Variants in TTLL7 observed in about 807,000 individuals in gnomAD.
TTLL7 encodes tubulin tyrosine ligase like 7.
Under a neutral mutation model 120.2 loss-of-function variants are expected in TTLL7, and 53 were observed. The ratio of observed to expected loss-of-function variants is 0.44; its 90% confidence interval spans 0.35 to 0.55. TTLL7 has a LOEUF of 0.55. Among genes scored for constraint, TTLL7 ranks in the 20% least tolerant of loss-of-function variants. The pLI is 0.00. For missense variants in TTLL7, 803 were observed against 1,054.7 expected (o/e 0.76, Z 3.31); for synonymous variants, 353 against 351.7 (o/e 1.00, Z -0.04).
chr1:83,906,965 T>G (rs1042081606), intron 16 of TTLL7, among the ~76,000 whole-genome samples: 1 of 152,078 alleles, frequency 6.6e-6, no homozygotes, highest in Non-Finnish European at 1.5e-5. Context: ...TTTCTAAATA[T>G]CAAATCTCTG....
At chr1:83,879,460 T>G (rs1654248687) in intron 20 of TTLL7, among the ~76,000 whole-genome samples, 1 of 151,994 alleles carries the variant, frequency 6.6e-6, no homozygotes, top group South Asian at 2.1e-4. Context: ...GCAGTGAGGA[T>G]GCATCTTTTC....
chr1:83,932,283 C>T (rs566599787), intron 9 of TTLL7, among the ~76,000 whole-genome samples: 1 of 152,100 alleles, frequency 6.6e-6, no homozygotes, highest in East Asian at 1.9e-4. Context: ...GTAACAGGGG[C>T]AGAAGACAAT....
At chr1:83,947,818 C>G (rs936990976) in intron 5 of TTLL7, among the ~76,000 whole-genome samples, 1 of 152,034 alleles carries the variant, frequency 6.6e-6, no homozygotes, top group Non-Finnish European at 1.5e-5. Flanking sequence ...ACCTTTTATA[C>G]TACCATTTTT....
intron 1 of TTLL7, among the ~76,000 whole-genome samples, chr1:83,957,712 G>A (rs1649649663): frequency 6.6e-6 from 1 of 152,066 alleles, no homozygotes; most frequent in Non-Finnish European, 1.5e-5. Flanking sequence ...TCAAAATTCA[G>A]CCTTTAAATA....
chr1:83,873,768 G>T (rs1653660923), intron 20 of TTLL7, among the ~76,000 whole-genome samples: 1 of 152,018 alleles, frequency 6.6e-6, no homozygotes, highest in South Asian at 2.1e-4. Context: ...AGGATCTCTG[G>T]AACATGACGC....
chr1:83,895,740 G>A (rs1412894484), intron 18 of TTLL7, among the ~76,000 whole-genome samples: 1 of 152,002 alleles, frequency 6.6e-6, no homozygotes, highest in Non-Finnish European at 1.5e-5. Context: ...CCAGACCTAC[G>A]CTCTTAACTA....
intron 1 of TTLL7, among the ~76,000 whole-genome samples, chr1:83,956,620 A>C (rs1392619012): frequency 1.3e-5 from 2 of 151,782 alleles, no homozygotes; most frequent in African/African-American, 4.8e-5. Context: ...AGTAGAGACG[A>C]GGTTTCTCCA....
chr1:83,882,455 T>G (rs1005325317), intron 20 of TTLL7, among the ~76,000 whole-genome samples: 1 of 151,966 alleles, frequency 6.6e-6, no homozygotes, highest in Non-Finnish European at 1.5e-5. Context: ...CTTTTCATGC[T>G]TTTTGGAAAA....
intron 1 of TTLL7, among the ~76,000 whole-genome samples, chr1:83,990,560 A>C (rs1652906921): frequency 2.0e-5 from 3 of 152,244 alleles, no homozygotes; most frequent in African/African-American, 4.8e-5. Context: ...AATGCCTTGA[A>C]TAGAAAGAGG....
At chr1:83,922,732 A>C (rs1169457779) in intron 10 of TTLL7, among the ~76,000 whole-genome samples, 6 of 140,256 alleles carry the variant, frequency 4.3e-5, no homozygotes, top group Non-Finnish European at 6.3e-5. Context: ...TACACAATGA[A>C]GGAGAACATA....
chr1:83,957,109 A>G (rs534277548), intron 1 of TTLL7, among the ~76,000 whole-genome samples: 43 of 152,348 alleles, frequency 2.8e-4, no homozygotes, highest in African/African-American at 1.0e-3. Flanking sequence ...TCCACTTAGC[A>G]GATATAAATT....
chr1:83,989,676 TTTTTG>T (rs199814436), intron 1 of TTLL7, among the ~76,000 whole-genome samples: 4 of 152,188 alleles, frequency 2.6e-5, no homozygotes, highest in African/African-American at 9.7e-5. Context: ...TTTCAAATAG[TTTTTG>T]TTTTGTTTTG....
At chr1:83,953,304 T>G (rs778178952) in intron 1 of TTLL7, among the ~76,000 whole-genome samples, 1 of 152,182 alleles carries the variant, frequency 6.6e-6, no homozygotes, top group Non-Finnish European at 1.5e-5. Flanking sequence ...GTAAGAATCC[T>G]TCAGTTCTTG....
At chr1:83,908,923 A>C (rs538001450) in intron 15 of TTLL7, among the ~76,000 whole-genome samples, 68 of 152,172 alleles carry the variant, frequency 4.5e-4, no homozygotes, top group South Asian at 1.0e-3. Flanking sequence ...AAGCTATAAA[A>C]GATTAAAAAA....
Position 83,866,292 on chromosome 1 carries a change from T to C in TTLL7, c.*3670A>G, listed in dbSNP as rs1009758074. 2 of 151,858 alleles carry C rather than the reference T, an allele frequency of 1.3e-5. No homozygotes were observed. Among genetic ancestry groups the C allele is most frequent in the Admixed American group, 1.3e-4 (2 of 15,248 alleles). The allele number at this position is 151,858 out of a possible 1,614,324, so 9.4% of individuals were successfully genotyped here. On this transcript the variant is annotated 3_prime_UTR_variant, in exon 21 of 21. Transcript: ENST00000260505. Reference sequence around the variant, plus strand: ...TTTTGAAAAAGTCAAGTAATGTATATGCTTAAATCTAAAGAAATTTTTTAA... The same window carrying C: ...TTTTGAAAAAGTCAAGTAATGTATACGCTTAAATCTAAAGAAATTTTTTAA...
chr1:83,925,540 A>G (rs555337929), intron 10 of TTLL7, among the ~76,000 whole-genome samples: 2 of 152,216 alleles, frequency 1.3e-5, no homozygotes, highest in Non-Finnish European at 2.9e-5. Flanking sequence ...GAGAAAGATA[A>G]GAAGTTTTCA....
chr1:83,963,784 T>A (rs950144049), intron 1 of TTLL7, among the ~76,000 whole-genome samples: 1 of 152,140 alleles, frequency 6.6e-6, no homozygotes, highest in African/African-American at 2.4e-5. Context: ...AGAGGTTTTT[T>A]AATTTAAAAT....
chr1:83,974,885 AG>A (rs1651319947), intron 1 of TTLL7, among the ~76,000 whole-genome samples: 1 of 152,002 alleles, frequency 6.6e-6, no homozygotes. Flanking sequence ...TCTATTCTGG[AG>A]GCCAATTCCA....
At position 83,883,099 on chromosome 1, in the gene TTLL7, C is replaced by T. The variant is rs376090236; in HGVS notation, c.2407G>A (p.Val803Met). Residue 803 changes from valine (V) to methionine (M), a missense_variant, in exon 20 of 21, where the codon GTG (valine) becomes ATG (methionine). Around this residue, in one of 3 missense-constraint regions of TTLL7, gnomAD observed 388 missense variants for 450.4 expected, o/e 0.86. Coordinates refer to ENST00000260505, the MANE Select transcript of TTLL7 (RefSeq NM_024686.6). ...CACTGGAGCTGCAAAGGAGTCACCA[C>T]CTCCGGGCTTTTATTGAATATACTC... ...WESIFNKSPE[V>M]VTPLQLQCCQ... 6 of 1,610,278 alleles carry T rather than the reference C, an allele frequency of 3.7e-6. No individual in the cohort carries two copies. Among genetic ancestry groups the T allele is most frequent in the African/African-American group, 1.3e-5 (1 of 74,654 alleles).
Sources: allele counts gnomAD v4.1 joint callset (sites outside exome capture counted in the v4.1 genomes callset), GRCh38; gene constraint gnomAD v4.1.1; regional missense constraint gnomAD v4.1.1; transcripts MANE v1.5; gene names NCBI Gene and HGNC (gene_info 2026-07-23, HGNC 2026-07-21).